Variants in ARHGAP32 observed in about 807,000 individuals in gnomAD.
ARHGAP32 encodes Rho GTPase activating protein 32.
ARHGAP32 carries 51 observed loss-of-function variants against 186.5 expected under a neutral mutation model. The observed-to-expected ratio is 0.27, with a 90% CI of 0.22 to 0.35. The LOEUF (loss-of-function observed/expected upper bound fraction) is 0.35, where lower values mean the gene tolerates loss of function less well. Ranked by LOEUF, ARHGAP32 falls within the 10% of genes least tolerant of loss-of-function variation. ARHGAP32 has a pLI of 1.00. For missense variants in ARHGAP32, 2,186 were observed against 2,623.5 expected (o/e 0.83, Z 3.64); for synonymous variants, 950 against 964.3 (o/e 0.99, Z 0.27).
intron 1 of ARHGAP32, among the ~76,000 whole-genome samples, chr11:129,177,316 G>A (rs1278136563): frequency 6.6e-6 from 1 of 152,010 alleles, no homozygotes; most frequent in African/African-American, 2.4e-5. Context: ...ACCAAAAAGA[G>A]TCCAGGACCA....
At chr11:129,002,030 G>C (rs1356638518) in intron 11 of ARHGAP32, among the ~76,000 whole-genome samples, 1 of 152,094 alleles carries the variant, frequency 6.6e-6, no homozygotes, top group African/African-American at 2.4e-5. Flanking sequence ...TCTGAAGTCA[G>C]GTAATGTGAT....
At chr11:129,033,689 T>C (rs974707447) in intron 11 of ARHGAP32, among the ~76,000 whole-genome samples, 13 of 152,216 alleles carry the variant, frequency 8.5e-5, no homozygotes, top group African/African-American at 3.1e-4. Flanking sequence ...TATTATCTTC[T>C]AAAAGTTTTA....
intron 5 of ARHGAP32, among the ~76,000 whole-genome samples, chr11:129,119,310 C>T (rs12418428): frequency 1.0e-3 from 159 of 152,120 alleles, no homozygotes; most frequent in Admixed American, 1.6e-3. Flanking sequence ...ATTATCTCTC[C>T]TATACTACAC....
rs1944703748 is a variant in ARHGAP32 at position 129,220,983 on chromosome 11, G to C, written c.-4-56556C>G. 2.0e-5 allele frequency among the ~76,000 whole-genome samples: 3 copies of C among 151,932 alleles called. No individual in the cohort carries two copies. In the South Asian group the frequency reaches 6.2e-4, roughly 31 times the overall value. On this transcript the variant is annotated intron_variant, in intron 1 of 6. Coordinates refer to the ARHGAP32 transcript ENST00000525234. ...CAGATTCTCTAGGGATAAAGAGAGG[G>C]TATCATTATTTATTAAAAGCTCCCT...
chr11:129,085,502 A>G (rs899113229), intron 6 of ARHGAP32, among the ~76,000 whole-genome samples: 4 of 152,216 alleles, frequency 2.6e-5, no homozygotes, highest in African/African-American at 9.7e-5. Flanking sequence ...TTCATGAATA[A>G]GAAGGCAATA....
At chr11:129,260,241 T>TA (rs1278501156) in intron 1 of ARHGAP32, among the ~76,000 whole-genome samples, 1 of 152,154 alleles carries the variant, frequency 6.6e-6, no homozygotes. Context: ...TACGTGGGCA[T>TA]AAAAAACTGA....
chr11:129,273,551 T>A (rs571887568), intron 1 of ARHGAP32, among the ~76,000 whole-genome samples: 121 of 152,318 alleles, frequency 7.9e-4, no homozygotes, highest in Admixed American at 2.3e-3. Context: ...AAAACTCATT[T>A]TCCTGTTAAA....
intron 5 of ARHGAP32, among the ~76,000 whole-genome samples, chr11:129,113,573 G>A (rs557256071): frequency 5.5e-4 from 84 of 151,554 alleles, no homozygotes; most frequent in Non-Finnish European, 5.3e-4. Flanking sequence ...TTTTTTTCCA[G>A]ATTTCTAGGC....
At chr11:129,259,647 A>G (rs1212989419) in intron 1 of ARHGAP32, among the ~76,000 whole-genome samples, 3 of 152,162 alleles carry the variant, frequency 2.0e-5, no homozygotes, top group African/African-American at 7.2e-5. Context: ...ACTGGAAGAT[A>G]GCTTTTAATA....
At chr11:129,224,514 C>T (rs1249525023) in intron 1 of ARHGAP32, among the ~76,000 whole-genome samples, 2 of 152,062 alleles carry the variant, frequency 1.3e-5, no homozygotes, top group African/African-American at 2.4e-5. Context: ...GCTGAATCTC[C>T]GTAAGAACAG....
rs539628248 is a variant in ARHGAP32 at position 129,061,294 on chromosome 11, T to G, written c.963+986A>C. On this transcript the variant is annotated intron_variant, in intron 10 of 22. Transcript: ENST00000682385. Reference sequence around the variant, plus strand: ...CTCCTCATAAAAAGTAGTTGCTAAGTCAGTCTAATAGATGTTATTATCAGG... The same window carrying G: ...CTCCTCATAAAAAGTAGTTGCTAAGGCAGTCTAATAGATGTTATTATCAGG... Among the ~76,000 whole-genome samples, 4 of 152,300 alleles carry G rather than the reference T, an allele frequency of 2.6e-5. No homozygotes were observed. In the East Asian group the frequency reaches 7.7e-4, roughly 29 times the overall value.
intron 11 of ARHGAP32, among the ~76,000 whole-genome samples, chr11:129,005,962 C>T (rs1462063952): frequency 6.6e-6 from 1 of 152,048 alleles, no homozygotes; most frequent in East Asian, 1.9e-4. Flanking sequence ...TATTTTCAGC[C>T]TGTCTTCAAG....
intron 2 of ARHGAP32, among the ~76,000 whole-genome samples, chr11:129,150,114 C>CAAA (rs61492745): frequency 9.0e-5 from 7 of 78,178 alleles, no homozygotes; most frequent in African/African-American, 1.3e-4. Context: ...CTGACAAAGA[C>CAAA]AAAAAAAAAA....
intron 1 of ARHGAP32, among the ~76,000 whole-genome samples, chr11:129,231,141 A>C (rs150068751): frequency 0.016 from 2,437 of 152,316 alleles, 20 homozygotes; most frequent in Middle Eastern, 0.027. Context: ...CTCAAAAAGT[A>C]GAAAATTTAA....
intron 2 of ARHGAP32, among the ~76,000 whole-genome samples, chr11:129,128,685 C>G (rs1942720374): frequency 6.6e-6 from 1 of 151,792 alleles, no homozygotes; most frequent in African/African-American, 2.4e-5. Context: ...ACCTCCCTGC[C>G]TGATTCTCCT....
At chr11:129,121,743 G>C (rs1021568699) in intron 5 of ARHGAP32, among the ~76,000 whole-genome samples, 1 of 151,966 alleles carries the variant, frequency 6.6e-6, no homozygotes, top group African/African-American at 2.4e-5. Context: ...AGTGAAACAT[G>C]GTGTGTAATC....
At chr11:129,272,384 C>A (rs369229135) in intron 1 of ARHGAP32, among the ~76,000 whole-genome samples, 134 of 152,286 alleles carry the variant, frequency 8.8e-4, no homozygotes, top group African/African-American at 3.1e-3. Flanking sequence ...TATGCCCCAT[C>A]AGTGCATTAA....
intron 11 of ARHGAP32, among the ~76,000 whole-genome samples, chr11:129,001,196 G>T (rs1787394558): frequency 2.0e-5 from 3 of 152,058 alleles, no homozygotes. Context: ...GTTTTTTGAG[G>T]ACCCTCAAAC....
At chr11:129,147,820 G>C (rs953118426) in intron 2 of ARHGAP32, among the ~76,000 whole-genome samples, 1 of 152,028 alleles carries the variant, frequency 6.6e-6, no homozygotes, top group African/African-American at 2.4e-5. Context: ...ATATTTCTAT[G>C]AGAGTCATGA....
Sources: gnomAD v4.1 joint callset for allele counts (sites outside exome capture counted in the v4.1 genomes callset) on GRCh38, gnomAD v4.1.1 for gene constraint, MANE v1.5 for transcripts, NCBI Gene and HGNC (gene_info 2026-07-23, HGNC 2026-07-21) for gene names.